The following CLVS1 variants were observed in gnomAD, a reference collection of about 807,000 sequenced individuals.
CLVS1 encodes clavesin-1.
A neutral mutation model predicts 33.1 loss-of-function variants in CLVS1; 10 were observed. The observed-to-expected ratio is 0.30, with a 90% CI of 0.19 to 0.51. The LOEUF is 0.51. Among genes scored for constraint, CLVS1 ranks in the 20% least tolerant of loss-of-function variants. CLVS1 has a pLI of 0.97. For missense variants in CLVS1, 343 were observed against 433.4 expected (o/e 0.79, Z 1.85); for synonymous variants, 163 against 166.1 (o/e 0.98, Z 0.14).
At chr8:61,418,518 A>G (rs1563544725) in intron 3 of CLVS1, among the ~76,000 whole-genome samples, 2 of 152,230 alleles carry the variant, frequency 1.3e-5, no homozygotes, top group Non-Finnish European at 2.9e-5. Flanking sequence ...TTACTAATGT[A>G]TATTCTTCTA....
intron 1 of CLVS1, among the ~76,000 whole-genome samples, chr8:61,061,971 G>A (rs1231574992): frequency 1.3e-5 from 2 of 151,960 alleles, no homozygotes; most frequent in Non-Finnish European, 2.9e-5. Context: ...GAAACTGGAA[G>A]GGTCTCTGTG....
At position 61,500,089 on chromosome 8, in the gene CLVS1, G is replaced by A. The variant is rs544681663; in HGVS notation, c.*547G>A. ...ATCGAATTGTTCAGCCTAAGAGCAT[G>A]TTCTCATAGGTCTGGGTATTTGCAA... On this transcript the variant is annotated 3_prime_UTR_variant, in exon 6 of 6. Transcript: ENST00000325897. 2 of 152,726 alleles carry A rather than the reference G, an allele frequency of 1.3e-5. No homozygotes were observed. The highest frequency in any genetic ancestry group is 1.9e-4 in the East Asian group (1 of 5,180). 9.5% of individuals were successfully genotyped at this position (152,726 alleles called of 1,614,324 possible). A position where few individuals can be genotyped will look rare whatever the true frequency, so the allele number is the denominator to read the frequency against.
At chr8:60,981,608 ATATCTGGTGT>A in the CLVS1 span, among the ~76,000 whole-genome samples, 1 of 152,222 alleles carries the variant, frequency 6.6e-6, no homozygotes. Context: ...CATTGTGCAA[ATATCTGGTGT>A]TCCCTGGTGG....
chr8:61,487,449 A>G (rs973883778), intron 5 of CLVS1, among the ~76,000 whole-genome samples: 1 of 152,200 alleles, frequency 6.6e-6, no homozygotes, highest in Admixed American at 6.5e-5. Flanking sequence ...AAATTCAGTT[A>G]TTTTTATTCT....
At chr8:61,191,726 C>T (rs558532068) in intron 2 of CLVS1, among the ~76,000 whole-genome samples, 127 of 152,258 alleles carry the variant, frequency 8.3e-4, no homozygotes, top group Middle Eastern at 3.4e-3. Flanking sequence ...TTCTTATACA[C>T]CAATAACAGA....
chr8:61,116,458 T>G (rs146208276), intron 1 of CLVS1, among the ~76,000 whole-genome samples: 2,007 of 152,340 alleles, frequency 0.013, 59 homozygotes, highest in African/African-American at 0.046. Flanking sequence ...GCCTATGTTC[T>G]GAAAGGTAAT....
chr8:61,214,055 C>T (rs1808032708), intron 2 of CLVS1, among the ~76,000 whole-genome samples: 1 of 152,160 alleles, frequency 6.6e-6, no homozygotes, highest in Non-Finnish European at 1.5e-5. Context: ...ATAGCGCTCC[C>T]AGGCTTGTTA....
intron 2 of CLVS1, among the ~76,000 whole-genome samples, chr8:61,187,153 A>T (rs1317953564): frequency 1.3e-5 from 2 of 151,974 alleles, no homozygotes; most frequent in Non-Finnish European, 2.9e-5. Flanking sequence ...CACAGAAAAG[A>T]CTCTCATCCA....
the CLVS1 span, among the ~76,000 whole-genome samples, chr8:61,032,644 C>G: frequency 6.6e-6 from 1 of 152,148 alleles, no homozygotes; most frequent in African/African-American, 2.4e-5. Flanking sequence ...GACTGCTTCT[C>G]TCTCTGTGAA....
chr8:61,292,758 T>A (rs1810042097), intron 1 of CLVS1, among the ~76,000 whole-genome samples: 2 of 152,270 alleles, frequency 1.3e-5, no homozygotes, highest in East Asian at 3.9e-4. Context: ...TACATTGAGG[T>A]GTAAGGTAAA....
intron 2 of CLVS1, among the ~76,000 whole-genome samples, chr8:61,148,909 C>A (rs976216124): frequency 6.6e-6 from 1 of 152,194 alleles, no homozygotes; most frequent in Admixed American, 6.5e-5. Context: ...AGAAAGAGGA[C>A]TGGAAATATG....
At chr8:61,233,750 G>A (rs566461099) in intron 2 of CLVS1, among the ~76,000 whole-genome samples, 3 of 152,312 alleles carry the variant, frequency 2.0e-5, no homozygotes, top group Admixed American at 6.5e-5. Context: ...CACAGTGTCC[G>A]TGGAGCCCAA....
At chr8:61,211,666 C>T (rs1377031259) in intron 2 of CLVS1, among the ~76,000 whole-genome samples, 2 of 152,196 alleles carry the variant, frequency 1.3e-5, no homozygotes, top group Non-Finnish European at 2.9e-5. Context: ...CTGTGCTAGG[C>T]AGAATTATGG....
intron 2 of CLVS1, among the ~76,000 whole-genome samples, chr8:61,147,972 T>C (rs1354251576): frequency 6.6e-6 from 1 of 152,248 alleles, no homozygotes; most frequent in East Asian, 1.9e-4. Context: ...CCGTGTATTC[T>C]GAACTGGTGA....
the CLVS1 span, among the ~76,000 whole-genome samples, chr8:61,023,827 C>T: frequency 6.6e-6 from 1 of 152,204 alleles, no homozygotes; most frequent in African/African-American, 2.4e-5. Context: ...GCTGTGCTCA[C>T]AGCTTCTTTG....
chr8:61,484,789 A>C (rs1316224534), intron 5 of CLVS1, among the ~76,000 whole-genome samples: 1 of 152,174 alleles, frequency 6.6e-6, no homozygotes, highest in Non-Finnish European at 1.5e-5. Flanking sequence ...AAATAATACC[A>C]CACATCTACA....
chr8:61,013,681 C>T, the CLVS1 span, among the ~76,000 whole-genome samples: 12 of 152,322 alleles, frequency 7.9e-5, no homozygotes, highest in East Asian at 1.3e-3. Context: ...CGTGTCAGCT[C>T]ATCTTCAGAA....
At chr8:61,037,665 C>T in the CLVS1 span, among the ~76,000 whole-genome samples, 1 of 152,168 alleles carries the variant, frequency 6.6e-6, no homozygotes, top group Non-Finnish European at 1.5e-5. Flanking sequence ...ACTTGCTTAA[C>T]AGTAGGTAAC....
chr8:61,332,763 G>C (rs1355956838), intron 2 of CLVS1, among the ~76,000 whole-genome samples: 2 of 151,996 alleles, frequency 1.3e-5, no homozygotes, highest in African/African-American at 4.8e-5. Context: ...TCAGCCTCCC[G>C]AGTGAGTAAC....
Sources: gnomAD v4.1 joint callset for allele counts (sites outside exome capture counted in the v4.1 genomes callset) on GRCh38, gnomAD v4.1.1 for gene constraint, MANE v1.5 for transcripts, NCBI Gene and HGNC (gene_info 2026-07-23, HGNC 2026-07-21) for gene names.